MMP16: variants seen among roughly 807,000 people sequenced by gnomAD.
MMP16 encodes matrix metalloproteinase-16.
A neutral mutation model predicts 67.8 loss-of-function variants in MMP16; 12 were observed. The ratio of observed to expected loss-of-function variants is 0.18; its 90% confidence interval spans 0.11 to 0.29. The LOEUF (loss-of-function observed/expected upper bound fraction) is 0.29, where lower values mean the gene tolerates loss of function less well. MMP16 is among the 10% of genes least tolerant of loss of function. MMP16 has a pLI of 1.00. For synonymous variants in MMP16, 249 were observed against 255.9 expected (o/e 0.97, Z 0.26); for missense variants, 475 against 765.7 (o/e 0.62, Z 4.48).
At chr8:88,317,872 T>C (rs1002245719) in intron 1 of MMP16, among the ~76,000 whole-genome samples, 1 of 152,162 alleles carries the variant, frequency 6.6e-6, no homozygotes, top group Non-Finnish European at 1.5e-5. Context: ...AACAGGCCTA[T>C]TCTCAAACAG....
At chr8:88,062,258 A>G (rs1053114920) in intron 7 of MMP16, among the ~76,000 whole-genome samples, 9 of 152,110 alleles carry the variant, frequency 5.9e-5, no homozygotes, top group African/African-American at 2.2e-4. Flanking sequence ...GCGATTCCTC[A>G]AGGATCTAGA....
At chr8:88,243,227 T>G (rs2129905715) in intron 1 of MMP16, among the ~76,000 whole-genome samples, 1 of 152,254 alleles carries the variant, frequency 6.6e-6, no homozygotes, top group Non-Finnish European at 1.5e-5. Flanking sequence ...ATTACCAAGG[T>G]CATATATGTT....
intron 1 of MMP16, among the ~76,000 whole-genome samples, chr8:88,251,277 A>T (rs1361405239): frequency 3.9e-5 from 6 of 151,928 alleles, no homozygotes; most frequent in African/African-American, 1.5e-4. Context: ...ACAGCATGGT[A>T]CTGGTACCAA....
intron 1 of MMP16, among the ~76,000 whole-genome samples, chr8:88,290,372 G>A (rs184428490): frequency 6.6e-6 from 1 of 152,174 alleles, no homozygotes; most frequent in African/African-American, 2.4e-5. Flanking sequence ...CTAACAAGGT[G>A]AAACCCCGTC....
At chr8:88,115,444 G>A (rs1809411995) in intron 6 of MMP16, among the ~76,000 whole-genome samples, 1 of 152,040 alleles carries the variant, frequency 6.6e-6, no homozygotes, top group Non-Finnish European at 1.5e-5. Context: ...TGTGCTTGAA[G>A]AAACACATTG....
chr8:88,264,041 TA>T (rs35298731), intron 1 of MMP16, among the ~76,000 whole-genome samples: 17,742 of 130,184 alleles, frequency 0.14, 1,228 homozygotes, highest in Non-Finnish European at 0.15. Context: ...CACATATATA[TA>T]TATATATATA....
intron 3 of MMP16, among the ~76,000 whole-genome samples, chr8:88,177,597 GA>G (rs1259974898): frequency 6.6e-6 from 1 of 152,144 alleles, no homozygotes; most frequent in East Asian, 1.9e-4. Context: ...CCAGCATGGG[GA>G]GGAAAAAAAG....
intron 2 of MMP16, among the ~76,000 whole-genome samples, chr8:88,187,387 A>G (rs1052642375): frequency 2.0e-5 from 3 of 152,152 alleles, no homozygotes; most frequent in Non-Finnish European, 2.9e-5. Context: ...CTATTCTTGC[A>G]TCTTATCTAA....
intron 6 of MMP16, among the ~76,000 whole-genome samples, chr8:88,115,818 C>T (rs887750794): frequency 3.9e-5 from 6 of 151,958 alleles, no homozygotes; most frequent in African/African-American, 1.4e-4. Flanking sequence ...ATTCACCTTC[C>T]AATATCACAT....
At chr8:88,205,869 CA>C (rs1311189323) in intron 1 of MMP16, among the ~76,000 whole-genome samples, 3 of 152,176 alleles carry the variant, frequency 2.0e-5, no homozygotes, top group African/African-American at 7.2e-5. Flanking sequence ...ATAAAAAATA[CA>C]GCATTCTTCA....
intron 1 of MMP16, among the ~76,000 whole-genome samples, chr8:88,255,944 A>G (rs773230936): frequency 4.6e-5 from 7 of 151,928 alleles, no homozygotes; most frequent in Non-Finnish European, 4.4e-5. Flanking sequence ...ATTTTCTCCT[A>G]CTGTTATCTT....
At chr8:88,312,686 G>C (rs1245709472) in intron 1 of MMP16, among the ~76,000 whole-genome samples, 2 of 152,040 alleles carry the variant, frequency 1.3e-5, no homozygotes, top group South Asian at 2.1e-4. Flanking sequence ...GTGTCCATTT[G>C]AGCCAGGCAC....
intron 1 of MMP16, among the ~76,000 whole-genome samples, chr8:88,217,214 G>T (rs1036060586): frequency 1.3e-5 from 2 of 151,902 alleles, no homozygotes; most frequent in Non-Finnish European, 2.9e-5. Flanking sequence ...AATAGATAAT[G>T]GTATTTAGAA....
intron 2 of MMP16, 80 bp from the exon 3 acceptor site, chr8:88,186,678 AAATCAATTAAGAGGTT>A (rs1809080324): frequency 6.6e-7 from 1 of 1,515,608 alleles, no homozygotes; most frequent in Non-Finnish European, 8.8e-7. Context: ...ATTCAAAAGA[AAATCAATTAAGAGGTT>A]AATCTGAGAC....
chr8:88,038,527 A>C lies in MMP16; in HGVS notation c.*2934T>G, dbSNP rs1691093517. The stretch of plus-strand genomic sequence containing the variant: ...TCTTTCTCATTTTAGAGGAAAAAAA[A>C]ATCAATTTTCAATGCAGGGTGATGG... On this transcript the variant is annotated 3_prime_UTR_variant, in exon 10 of 10. Transcript: ENST00000286614. This position sits in a 1 kb window ranked among gnomAD's most constrained non-coding sequence, Gnocchi z 4.1. 6.6e-6 allele frequency: 1 copy of C among 152,538 alleles called. No homozygotes were observed. The highest frequency in any genetic ancestry group is 2.4e-5 in the African/African-American group (1 of 41,458). The allele number at this position is 152,538 out of a possible 1,614,324, so 9.4% of individuals were successfully genotyped here.
chr8:88,222,983 T>C (rs1809710239), intron 1 of MMP16, among the ~76,000 whole-genome samples: 1 of 152,060 alleles, frequency 6.6e-6, no homozygotes, highest in Non-Finnish European at 1.5e-5. Flanking sequence ...TACAAAGAAC[T>C]TAAACAAATT....
At chr8:88,093,296 A>G (rs1808970340) in intron 6 of MMP16, among the ~76,000 whole-genome samples, 1 of 151,904 alleles carries the variant, frequency 6.6e-6, no homozygotes. Context: ...GTGGCTTATA[A>G]TGCAGAATCT....
chr8:88,069,509 A>C (rs746331715), intron 7 of MMP16: 1 of 524,414 alleles, frequency 1.9e-6, no homozygotes, highest in East Asian at 5.5e-5. Flanking sequence ...TTATAGATAG[A>C]GTGTCTCCCT....
intron 1 of MMP16, among the ~76,000 whole-genome samples, chr8:88,260,083 C>A (rs1471737203): frequency 1.3e-5 from 2 of 152,116 alleles, no homozygotes; most frequent in African/African-American, 2.4e-5. Flanking sequence ...TTAGAAAAAA[C>A]AAGCCCATGG....
Sources: allele counts gnomAD v4.1 joint callset (sites outside exome capture counted in the v4.1 genomes callset), GRCh38; gene constraint gnomAD v4.1.1; non-coding constraint Gnocchi (gnomAD v3.1); transcripts MANE v1.5; gene names NCBI Gene and HGNC (gene_info 2026-07-23, HGNC 2026-07-21).